The following NKAIN3 variants were observed in gnomAD, a reference collection of about 807,000 sequenced individuals.
NKAIN3 encodes the protein sodium/potassium transporting ATPase interacting 3.
NKAIN3 carries 25 observed loss-of-function variants against 30.2 expected under a neutral mutation model. The ratio of observed to expected loss-of-function variants is 0.83; its 90% CI spans 0.60 to 1.16. NKAIN3 has a LOEUF of 1.16. NKAIN3 is among the 50% of genes most tolerant of loss of function. The probability of loss-of-function intolerance (pLI) is 0.00; values close to 1 mark genes in which losing one functional copy is unlikely to be tolerated. For missense variants in NKAIN3, 225 were observed against 254.1 expected (o/e 0.89, Z 0.78); for synonymous variants, 91 against 89.6 (o/e 1.02, Z -0.09).
At chr8:62,815,416 A>G (rs1818642868) in intron 4 of NKAIN3, among the ~76,000 whole-genome samples, 2 of 152,162 alleles carry the variant, frequency 1.3e-5, no homozygotes, top group Admixed American at 6.5e-5. Flanking sequence ...AGACACAACC[A>G]AAAAAGAGAA....
intron 4 of NKAIN3, among the ~76,000 whole-genome samples, chr8:62,777,587 CTTAATTT>C (rs1448326817): frequency 1.3e-5 from 2 of 152,032 alleles, no homozygotes; most frequent in Admixed American, 6.6e-5. Context: ...TGACATGATT[CTTAATTT>C]TTTGTTTGTT....
chr8:62,367,020 G>C (rs1263933341), intron 1 of NKAIN3, among the ~76,000 whole-genome samples: 2 of 151,972 alleles, frequency 1.3e-5, no homozygotes, highest in South Asian at 4.2e-4. Flanking sequence ...TCCTGTTATT[G>C]ATTCTCATTT....
intron 3 of NKAIN3, among the ~76,000 whole-genome samples, chr8:62,745,122 AC>A (rs1319180626): frequency 6.6e-6 from 1 of 152,108 alleles, no homozygotes; most frequent in Non-Finnish European, 1.5e-5. Flanking sequence ...TTTCAGTGCC[AC>A]CCATGTGTAA....
intron 4 of NKAIN3, among the ~76,000 whole-genome samples, chr8:62,787,821 T>C (rs1249514482): frequency 6.6e-6 from 1 of 152,018 alleles, no homozygotes; most frequent in Non-Finnish European, 1.5e-5. Context: ...AGAATGATGG[T>C]TTCCAGCTTC....
At position 62,298,606 on chromosome 8, in the gene NKAIN3, T is replaced by C. The variant is rs148525069; in HGVS notation, c.54+49479T>C. Among the ~76,000 whole-genome samples the C allele has an allele frequency of 3.8e-3, 575 of 152,234 alleles. 3 individuals are homozygous for C. Among genetic ancestry groups the C allele is most frequent in the African/African-American group, 0.013 (551 of 41,556 alleles). ...CTGTGCTCCTAAGTCCCATGTTCTT[T>C]CTATCAGGAGCTTTCCCAAGTGCTA... is the stretch of plus-strand genomic sequence containing the variant. On this transcript the variant is annotated intron_variant, in intron 1 of 6. Coordinates refer to ENST00000623646, the MANE Select transcript of NKAIN3 (RefSeq NM_001304533.3).
chr8:62,741,420 A>AAGGC (rs142133652), intron 3 of NKAIN3, among the ~76,000 whole-genome samples: 1,387 of 136,398 alleles, frequency 0.01, 28 homozygotes, highest in Admixed American at 0.017. Context: ...GGAAGGAAGG[A>AAGGC]AGGCAGGCAA....
chr8:62,489,731 C>CA (rs1464173385), intron 1 of NKAIN3, among the ~76,000 whole-genome samples: 1 of 152,098 alleles, frequency 6.6e-6, no homozygotes, highest in Non-Finnish European at 1.5e-5. Flanking sequence ...TAATATAACT[C>CA]GTAAGAGTTG....
At chr8:62,574,368 T>C (rs1302193145) in intron 1 of NKAIN3, among the ~76,000 whole-genome samples, 1 of 152,176 alleles carries the variant, frequency 6.6e-6, no homozygotes, top group Non-Finnish European at 1.5e-5. Flanking sequence ...AGATATCACT[T>C]TGATATACTG....
chr8:62,415,079 CTATA>C (rs1478331857), intron 1 of NKAIN3, among the ~76,000 whole-genome samples: 1 of 141,624 alleles, frequency 7.1e-6, no homozygotes, highest in Admixed American at 7.4e-5. Context: ...TAATTTTATA[CTATA>C]TATACTATAT....
At chr8:62,352,404 A>G (rs1452231497) in intron 1 of NKAIN3, among the ~76,000 whole-genome samples, 2 of 152,168 alleles carry the variant, frequency 1.3e-5, no homozygotes, top group Non-Finnish European at 2.9e-5. Context: ...ACTCATGCTG[A>G]TTCCAATATT....
At chr8:62,634,264 C>T (rs1317742928) in intron 3 of NKAIN3, among the ~76,000 whole-genome samples, 1 of 152,070 alleles carries the variant, frequency 6.6e-6, no homozygotes, top group African/African-American at 2.4e-5. Flanking sequence ...CAATGAGATA[C>T]TAGACACCTT....
chr8:62,599,907 T>A (rs1810940941), intron 3 of NKAIN3, among the ~76,000 whole-genome samples: 1 of 152,032 alleles, frequency 6.6e-6, no homozygotes, highest in South Asian at 2.1e-4. Context: ...AATTAATAAG[T>A]TATTGCTGCT....
chr8:62,539,486 G>A (rs139612663), intron 1 of NKAIN3, among the ~76,000 whole-genome samples: 2 of 152,290 alleles, frequency 1.3e-5, no homozygotes, highest in African/African-American at 4.8e-5. Flanking sequence ...AGAGGTATAT[G>A]GTGTGCAGAT....
chr8:62,576,285 G>T lies in NKAIN3; in HGVS notation c.55-3254G>T, dbSNP rs114349795. Among the ~76,000 whole-genome samples, 609 of 152,196 alleles carry T rather than the reference G, an allele frequency of 4.0e-3. 3 individuals are homozygous for T. Among genetic ancestry groups the T allele is most frequent in the African/African-American group, 0.014 (571 of 41,548 alleles). Reference sequence around the variant, plus strand: ...TCTCTATTAAAAAATCTAATAATCTGATCAGAAAATGAGCAAAAGATGCAT... The same window carrying T: ...TCTCTATTAAAAAATCTAATAATCTTATCAGAAAATGAGCAAAAGATGCAT... On this transcript the variant is annotated intron_variant, in intron 1 of 6. Coordinates refer to ENST00000623646, the MANE Select transcript of NKAIN3 (RefSeq NM_001304533.3).
chr8:62,887,350 T>C (rs1398387893), intron 4 of NKAIN3, among the ~76,000 whole-genome samples: 2 of 152,118 alleles, frequency 1.3e-5, no homozygotes, highest in African/African-American at 4.8e-5. Flanking sequence ...CTGTATGTAG[T>C]TTTTTTGGCA....
intron 1 of NKAIN3, among the ~76,000 whole-genome samples, chr8:62,559,213 T>C (rs906434004): frequency 6.6e-6 from 1 of 152,042 alleles, no homozygotes; most frequent in African/African-American, 2.4e-5. Flanking sequence ...TGCTGTAGTA[T>C]ACTTTTTTTT....
chr8:62,867,182 G>T (rs563152234), intron 4 of NKAIN3, among the ~76,000 whole-genome samples: 5 of 150,846 alleles, frequency 3.3e-5, no homozygotes, highest in Admixed American at 3.3e-4. Flanking sequence ...CAGAACACCC[G>T]AATGATTAAA....
At chr8:62,888,480 G>C (rs879271217) in intron 4 of NKAIN3, among the ~76,000 whole-genome samples, 2 of 152,126 alleles carry the variant, frequency 1.3e-5, no homozygotes, top group Admixed American at 1.3e-4. Context: ...TTTCTACCCG[G>C]TTTAGGTTTC....
intron 4 of NKAIN3, among the ~76,000 whole-genome samples, chr8:62,800,764 G>A (rs1818030423): frequency 6.6e-6 from 1 of 152,176 alleles, no homozygotes; most frequent in Non-Finnish European, 1.5e-5. Flanking sequence ...GACAGTGGGT[G>A]CAGGTCAGTA....
Sources: gnomAD v4.1 joint callset for allele counts (sites outside exome capture counted in the v4.1 genomes callset) on GRCh38, gnomAD v4.1.1 for gene constraint, MANE v1.5 for transcripts, NCBI Gene and HGNC (gene_info 2026-07-23, HGNC 2026-07-21) for gene names.